Variants in NTM observed in about 807,000 individuals in gnomAD.
NTM encodes the protein IgLON family member 2.
Under a neutral mutation model 42.1 loss-of-function variants are expected in NTM, and 13 were observed. The ratio of observed to expected loss-of-function variants is 0.31; its 90% CI spans 0.20 to 0.49. NTM has a LOEUF of 0.49. Among genes scored for constraint, NTM ranks in the 20% least tolerant of loss-of-function variants. The pLI, the probability that NTM is intolerant of heterozygous loss-of-function variation, is 0.99. For missense variants in NTM, 373 were observed against 452.8 expected, an observed-to-expected ratio of 0.82 and a Z score of 1.60; for synonymous variants, 187 against 179.2, an observed-to-expected ratio of 1.04 and a Z score of -0.35.
At chr11:131,925,988 T>C (rs1277490295) in intron 2 of NTM, among the ~76,000 whole-genome samples, 1 of 152,204 alleles carries the variant, frequency 6.6e-6, no homozygotes, top group African/African-American at 2.4e-5. Flanking sequence ...TGTGTTTTGC[T>C]GTGTTGCTTC....
chr11:131,480,605 A>C (rs987605164), intron 1 of NTM, among the ~76,000 whole-genome samples: 2 of 152,192 alleles, frequency 1.3e-5, no homozygotes, highest in Non-Finnish European at 2.9e-5. Flanking sequence ...GTTTAAAATA[A>C]AGCAGTATGA....
chr11:131,634,271 G>A (rs2064084259), intron 1 of NTM, among the ~76,000 whole-genome samples: 1 of 152,160 alleles, frequency 6.6e-6, no homozygotes, highest in Non-Finnish European at 1.5e-5. Context: ...ATGATTGAAT[G>A]CGTCGAAAAT....
At chr11:132,249,147 C>T (rs1055705254) in intron 4 of NTM, among the ~76,000 whole-genome samples, 5 of 152,186 alleles carry the variant, frequency 3.3e-5, no homozygotes, top group African/African-American at 1.2e-4. Flanking sequence ...CTCCAGAGCC[C>T]CCTCTGAACT....
At chr11:131,654,623 G>C (rs1202467624) in intron 1 of NTM, among the ~76,000 whole-genome samples, 1 of 152,124 alleles carries the variant, frequency 6.6e-6, no homozygotes, top group Non-Finnish European at 1.5e-5. Flanking sequence ...TAATGGGAGC[G>C]GATTCTTCGT....
At chr11:131,909,274 T>C (rs542028117) in intron 1 of NTM, among the ~76,000 whole-genome samples, 2 of 152,292 alleles carry the variant, frequency 1.3e-5, no homozygotes, top group Non-Finnish European at 2.9e-5. Flanking sequence ...GGAGATTTGA[T>C]TGGTGAAATG....
chr11:131,549,410 G>T (rs536256022), intron 1 of NTM, among the ~76,000 whole-genome samples: 2 of 152,158 alleles, frequency 1.3e-5, no homozygotes, highest in South Asian at 4.2e-4. Flanking sequence ...TTTAAAAATT[G>T]TAATTAAAAT....
At chr11:132,334,907 C>T in intron 8 of NTM, 139 bp from the exon 9 acceptor site, 1 of 1,412,872 alleles carries the variant, frequency 7.1e-7, no homozygotes, top group Non-Finnish European at 9.4e-7. Context: ...ACTTCTAATG[C>T]TGGGGCTGGA....
chr11:131,403,158 C>T (rs1383186711), intron 1 of NTM, among the ~76,000 whole-genome samples: 1 of 152,170 alleles, frequency 6.6e-6, no homozygotes, highest in African/African-American at 2.4e-5. Context: ...ACTTACAATC[C>T]AGTCACAGAC....
chr11:131,651,442 A>C (rs2066464002), intron 1 of NTM, among the ~76,000 whole-genome samples: 1 of 152,246 alleles, frequency 6.6e-6, no homozygotes, highest in African/African-American at 2.4e-5. Flanking sequence ...ATTCCCTGGC[A>C]GATGCTGTGG....
intron 1 of NTM, among the ~76,000 whole-genome samples, chr11:131,870,543 G>A (rs1364466205): frequency 1.3e-5 from 2 of 152,138 alleles, no homozygotes; most frequent in African/African-American, 2.4e-5. Flanking sequence ...CTGTGAGCCA[G>A]CGAGGGCCCT....
intron 1 of NTM, among the ~76,000 whole-genome samples, chr11:131,557,617 A>G (rs1171585064): frequency 6.6e-6 from 1 of 152,204 alleles, no homozygotes; most frequent in Non-Finnish European, 1.5e-5. Context: ...ACTATGCTGT[A>G]TCAACTCTGT....
At chr11:131,835,532 A>G (rs1485874002) in intron 1 of NTM, among the ~76,000 whole-genome samples, 1 of 152,194 alleles carries the variant, frequency 6.6e-6, no homozygotes, top group Non-Finnish European at 1.5e-5. Context: ...TTAAACCACG[A>G]TGATATATTG....
intron 3 of NTM, among the ~76,000 whole-genome samples, chr11:132,173,986 G>A (rs1305511730): frequency 1.3e-5 from 2 of 152,168 alleles, no homozygotes; most frequent in African/African-American, 4.8e-5. Context: ...CTAAATGAGT[G>A]TGTCCTACTC....
chr11:131,907,329 G>A (rs887613158), intron 1 of NTM, among the ~76,000 whole-genome samples: 3 of 152,212 alleles, frequency 2.0e-5, no homozygotes, highest in Non-Finnish European at 4.4e-5. Flanking sequence ...CCCTGCTTCA[G>A]TGTACAGATG....
Position 131,541,178 on chromosome 11 carries a change from C to T in NTM, c.82+170290C>T, listed in dbSNP as rs375577993. On this transcript the variant is annotated intron_variant, in intron 1 of 8. Coordinates refer to ENST00000683400, the MANE Select transcript of NTM (RefSeq NM_001352005.2). ...TCCACTAAATGGCAGGCTGCCTCCC[C>T]GTCCTGCCTCGAAACAAACACCTGA... is the stretch of plus-strand genomic sequence containing the variant. Among the ~76,000 whole-genome samples the T allele has an allele frequency of 6.6e-5, 10 of 152,282 alleles. No homozygotes were observed. In the East Asian group the frequency reaches 9.6e-4, roughly 15 times the overall value.
chr11:131,804,158 T>C (rs2092345856), intron 1 of NTM, among the ~76,000 whole-genome samples: 1 of 152,220 alleles, frequency 6.6e-6, no homozygotes, highest in Admixed American at 6.5e-5. Flanking sequence ...TCACTCAAAC[T>C]AGCAGAACAA....
At chr11:132,081,398 T>C (rs2059018759) in intron 2 of NTM, among the ~76,000 whole-genome samples, 2 of 152,178 alleles carry the variant, frequency 1.3e-5, no homozygotes, top group Admixed American at 1.3e-4. Flanking sequence ...TAGTAAGACC[T>C]TTTTTCCTAT....
At chr11:131,754,250 T>A (rs962600068) in intron 1 of NTM, among the ~76,000 whole-genome samples, 4 of 152,028 alleles carry the variant, frequency 2.6e-5, no homozygotes, top group African/African-American at 7.3e-5. Flanking sequence ...ACCTGCACGT[T>A]GTGCACATGT....
chr11:131,378,729 G>A (rs1942279359), intron 1 of NTM, among the ~76,000 whole-genome samples: 1 of 152,192 alleles, frequency 6.6e-6, no homozygotes. Flanking sequence ...CTGGATTGGA[G>A]AGTGCTCAGC....
Sources: gnomAD v4.1 joint callset for allele counts (sites outside exome capture counted in the v4.1 genomes callset) on GRCh38, gnomAD v4.1.1 for gene constraint, MANE v1.5 for transcripts, NCBI Gene and HGNC (gene_info 2026-07-23, HGNC 2026-07-21) for gene names.